DSCAM: variants seen among roughly 807,000 people sequenced by gnomAD.
DSCAM encodes DS cell adhesion molecule.
DSCAM carries 47 observed loss-of-function variants against 217.7 expected under a neutral mutation model. The observed-to-expected ratio is 0.22, with a 90% CI of 0.17 to 0.28. The LOEUF is 0.28. Ranked by LOEUF, DSCAM falls within the 10% of genes least tolerant of loss-of-function variation. DSCAM has a pLI of 1.00. For missense variants in DSCAM, 2,080 were observed against 2,618.3 expected (o/e 0.79, Z 4.49); for synonymous variants, 1,056 against 1,015.3 (o/e 1.04, Z -0.76).
intron 3 of DSCAM, among the ~76,000 whole-genome samples, chr21:40,566,244 T>G (rs114942218): frequency 2.0e-5 from 3 of 151,990 alleles, no homozygotes; most frequent in African/African-American, 7.2e-5. Flanking sequence ...CTAGTGATGC[T>G]GGGGAGTCTC....
At chr21:40,234,128 A>T (rs551730721) in intron 11 of DSCAM, among the ~76,000 whole-genome samples, 3 of 152,306 alleles carry the variant, frequency 2.0e-5, no homozygotes, top group East Asian at 3.9e-4. Context: ...AGAATATTAT[A>T]TCGGTCTTAA....
intron 3 of DSCAM, among the ~76,000 whole-genome samples, chr21:40,558,875 G>A (rs995000041): frequency 6.6e-5 from 10 of 152,132 alleles, no homozygotes; most frequent in South Asian, 2.1e-4. Context: ...CACTACGTAT[G>A]CCAGGATGAA....
At chr21:40,567,201 T>C (rs975577286) in intron 3 of DSCAM, among the ~76,000 whole-genome samples, 2 of 152,208 alleles carry the variant, frequency 1.3e-5, no homozygotes, top group African/African-American at 4.8e-5. Context: ...CCAAAACGTA[T>C]CCTGGTTTCA....
intron 3 of DSCAM, among the ~76,000 whole-genome samples, chr21:40,547,658 T>A (rs1191821690): frequency 6.6e-6 from 1 of 152,000 alleles, no homozygotes; most frequent in African/African-American, 2.4e-5. Flanking sequence ...ACCGGTGGAA[T>A]CAAAAGGCAG....
chr21:40,748,316 G>A (rs746066355), intron 1 of DSCAM, among the ~76,000 whole-genome samples: 1 of 150,376 alleles, frequency 6.6e-6, no homozygotes, highest in Non-Finnish European at 1.5e-5. Context: ...TTAGATAGAT[G>A]GTTAGAGAAA....
chr21:40,484,698 G>C (rs921717826), intron 3 of DSCAM, among the ~76,000 whole-genome samples: 1 of 152,144 alleles, frequency 6.6e-6, no homozygotes, highest in Non-Finnish European at 1.5e-5. Context: ...GCTTGCATGA[G>C]GCCAAGCATA....
chr21:40,820,295 A>C (rs1257907660), intron 1 of DSCAM, among the ~76,000 whole-genome samples: 5 of 152,216 alleles, frequency 3.3e-5, no homozygotes, highest in Non-Finnish European at 7.3e-5. Flanking sequence ...AAAGAATGAG[A>C]TCATGTCCTT....
intron 1 of DSCAM, among the ~76,000 whole-genome samples, chr21:40,726,046 C>G (rs371639051): frequency 6.6e-6 from 1 of 152,046 alleles, no homozygotes; most frequent in African/African-American, 2.4e-5. Context: ...TAACTGTGAA[C>G]GATAACAGAA....
At chr21:40,664,995 G>A (rs1222440933) in intron 3 of DSCAM, among the ~76,000 whole-genome samples, 2 of 152,120 alleles carry the variant, frequency 1.3e-5, no homozygotes, top group Non-Finnish European at 2.9e-5. Context: ...TCTTGTTCCT[G>A]CTTTCCCCGT....
chr21:40,833,134 A>G (rs933763529), intron 1 of DSCAM, among the ~76,000 whole-genome samples: 10 of 152,178 alleles, frequency 6.6e-5, no homozygotes, highest in Non-Finnish European at 1.5e-4. Flanking sequence ...GCAAACAGCG[A>G]AAAGTCTCTC....
rs1419934276 is a variant in DSCAM at position 40,302,956 on chromosome 21, G to A, written c.2063-6782C>T. On this transcript the variant is annotated intron_variant, in intron 9 of 32. Coordinates refer to ENST00000400454, the MANE Select transcript of DSCAM (RefSeq NM_001389.5). The stretch of plus-strand genomic sequence containing the variant: ...TTTCTAGTTTTAAATGTAGTCCAGC[G>A]TTTTATGTTTGGAAGCCATGGCTTC... Among the ~76,000 whole-genome samples, 11 of 152,168 alleles carry A rather than the reference G, an allele frequency of 7.2e-5. 1 individual carries two copies. In the South Asian group the frequency reaches 1.9e-3, roughly 26 times the overall value.
chr21:40,123,645 G>C (rs1568952555), intron 20 of DSCAM, among the ~76,000 whole-genome samples: 1 of 152,126 alleles, frequency 6.6e-6, no homozygotes, highest in Non-Finnish European at 1.5e-5. Flanking sequence ...CAATGAACCA[G>C]GCTGACTGCT....
chr21:40,846,985 G>C lies in DSCAM; in HGVS notation c.-324C>G, dbSNP rs1004566343. The C allele has an allele frequency of 1.3e-5, 2 of 152,180 alleles. No homozygotes were observed. Among genetic ancestry groups the C allele is most frequent in the Non-Finnish European group, 2.9e-5 (2 of 68,050 alleles). 9.4% of individuals were successfully genotyped at this position (152,180 alleles called of 1,614,324 possible). On this transcript the variant is annotated 5_prime_UTR_variant, in exon 1 of 33. An upstream open reading frame in the 5' UTR gains an earlier in-frame stop. Transcript: ENST00000400454. Reference sequence around the variant, plus strand: ...TGGAGAGAGCCGCAGACGCGGGCGTGAGCTCATCCCGGGCACTCGGCGCCC... The same window carrying C: ...TGGAGAGAGCCGCAGACGCGGGCGTCAGCTCATCCCGGGCACTCGGCGCCC...
rs150028984 is a variant in DSCAM at position 40,709,127 on chromosome 21, T to A, written c.44-356A>T. On this transcript the variant is annotated intron_variant, in intron 1 of 32. Coordinates refer to ENST00000400454, the MANE Select transcript of DSCAM (RefSeq NM_001389.5). ...ATTGTCTATCTTCTGCCACTAGAGA[T>A]AAGCCTCATGAGGACAAGGTCTTAA... 9.9e-4 allele frequency among the ~76,000 whole-genome samples: 150 copies of A among 152,282 alleles called. 1 individual carries two copies. The highest frequency in any genetic ancestry group is 3.5e-3 in the African/African-American group (145 of 41,568).
At chr21:40,121,534 T>C (rs1939930585) in intron 20 of DSCAM, among the ~76,000 whole-genome samples, 1 of 152,072 alleles carries the variant, frequency 6.6e-6, no homozygotes, top group Admixed American at 6.6e-5. Flanking sequence ...CTAGGTATTA[T>C]CTCCTGGAAG....
chr21:40,786,702 G>A (rs569201906), intron 1 of DSCAM, among the ~76,000 whole-genome samples: 127 of 152,274 alleles, frequency 8.3e-4, no homozygotes, highest in African/African-American at 2.6e-3. Flanking sequence ...CTTGGGATTC[G>A]TCAGAGTTCC....
intron 28 of DSCAM, among the ~76,000 whole-genome samples, chr21:40,057,340 A>G (rs2089041677): frequency 6.6e-6 from 1 of 152,156 alleles, no homozygotes; most frequent in Non-Finnish European, 1.5e-5. Flanking sequence ...AATCAAATAA[A>G]AGGAGGAGCA....
chr21:40,498,432 T>C (rs983540949), intron 3 of DSCAM, among the ~76,000 whole-genome samples: 7 of 151,770 alleles, frequency 4.6e-5, no homozygotes, highest in Non-Finnish European at 8.8e-5. Flanking sequence ...CTGCTGTAGA[T>C]GGGTGTTTTA....
chr21:40,141,397 T>A (rs1013322131), intron 18 of DSCAM, among the ~76,000 whole-genome samples: 3 of 152,108 alleles, frequency 2.0e-5, no homozygotes, highest in African/African-American at 7.2e-5. Flanking sequence ...GGCAGATCAC[T>A]TGAGGCCAGG....
Sources: gnomAD v4.1 joint callset for allele counts (sites outside exome capture counted in the v4.1 genomes callset) on GRCh38, gnomAD v4.1.1 for gene constraint, MANE v1.5 for transcripts, NCBI Gene and HGNC (gene_info 2026-07-23, HGNC 2026-07-21) for gene names.